Variants in SYN3 observed in about 807,000 individuals in gnomAD.
The protein encoded by SYN3 is synapsin III.
In SYN3, 35 loss-of-function variants were observed where a neutral mutation model predicts 65.8. The ratio of observed to expected loss-of-function variants is 0.53; its 90% CI spans 0.41 to 0.70. The LOEUF (loss-of-function observed/expected upper bound fraction) is 0.70. Among genes scored for constraint, SYN3 ranks in the 30% least tolerant of loss-of-function variants. The probability of loss-of-function intolerance (pLI) is 0.00; values close to 1 mark genes in which losing one functional copy is unlikely to be tolerated. For synonymous variants in SYN3, 270 were observed against 292.9 expected, an observed-to-expected ratio of 0.92 and a Z score of 0.80; for missense variants, 680 against 749.0, an observed-to-expected ratio of 0.91 and a Z score of 1.08.
At chr22:32,606,445 T>C (rs933145936) in intron 6 of SYN3, among the ~76,000 whole-genome samples, 79 of 152,204 alleles carry the variant, frequency 5.2e-4, no homozygotes, top group Admixed American at 1.0e-3. Context: ...GACACTCCTG[T>C]CAGGAGGAGG....
chr22:32,589,182 T>C (rs2059094613), intron 7 of SYN3, among the ~76,000 whole-genome samples: 1 of 152,224 alleles, frequency 6.6e-6, no homozygotes, highest in South Asian at 2.1e-4. Flanking sequence ...GTTTGCTCTC[T>C]TGCTCTTGAA....
At chr22:32,962,801 C>CATCT (rs56349346) in intron 3 of SYN3, among the ~76,000 whole-genome samples, 7,220 of 146,462 alleles carry the variant, frequency 0.049, 188 homozygotes, top group East Asian at 0.092. Context: ...AGAGTATCGG[C>CATCT]ATCTATCTAT....
chr22:32,985,166 T>C (rs1319460600), intron 2 of SYN3, among the ~76,000 whole-genome samples: 1 of 152,120 alleles, frequency 6.6e-6, no homozygotes, highest in Non-Finnish European at 1.5e-5. Flanking sequence ...ACAGGGTTGT[T>C]ATGAGGATTA....
At chr22:32,696,457 A>G (rs1013597633) in intron 6 of SYN3, among the ~76,000 whole-genome samples, 4 of 152,212 alleles carry the variant, frequency 2.6e-5, no homozygotes, top group Non-Finnish European at 5.9e-5. Context: ...AGTTGTATTG[A>G]AGATGGAATT....
intron 6 of SYN3, among the ~76,000 whole-genome samples, chr22:32,717,817 C>A (rs1328963061): frequency 6.6e-6 from 1 of 152,144 alleles, no homozygotes; most frequent in African/African-American, 2.4e-5. Context: ...CCTTCCACTG[C>A]GGATCTGACT....
chr22:32,976,455 C>G (rs2052190686), intron 3 of SYN3, among the ~76,000 whole-genome samples: 1 of 152,226 alleles, frequency 6.6e-6, no homozygotes, highest in South Asian at 2.1e-4. Flanking sequence ...CTAGCAAGTC[C>G]TAGTCCACTG....
At chr22:32,524,224 A>G (rs538546197) in intron 12 of SYN3, among the ~76,000 whole-genome samples, 1 of 152,384 alleles carries the variant, frequency 6.6e-6, no homozygotes, top group African/African-American at 2.4e-5. Context: ...GTGCTAAACA[A>G]CAGATTTTCA....
rs116022872 is a variant in SYN3, at chr22:32,526,521, A to G, written c.1318+1397T>C. ...TATATATATATAATTTATTTATTTT[A>G]TTTTGTTTTTTTGAGATGGAATCTC... On this transcript the variant is annotated intron_variant, in intron 12 of 13. Coordinates refer to ENST00000358763, the MANE Select transcript of SYN3 (RefSeq NM_003490.4). Among the ~76,000 whole-genome samples the G allele has an allele frequency of 4.6e-3, 702 of 151,720 alleles. 10 individuals carry two copies. The highest frequency in any genetic ancestry group is 0.016 in the African/African-American group (681 of 41,404).
chr22:32,746,254 T>C (rs1230370354), intron 6 of SYN3, among the ~76,000 whole-genome samples: 1 of 152,210 alleles, frequency 6.6e-6, no homozygotes, highest in Non-Finnish European at 1.5e-5. Context: ...AATCCCCCTT[T>C]GGGTTGACTT....
At chr22:32,731,671 T>A (rs3827340) in intron 6 of SYN3, among the ~76,000 whole-genome samples, 69,394 of 151,976 alleles carry the variant, frequency 0.46, 16,232 homozygotes, top group African/African-American at 0.57. Context: ...TTTATGTCTA[T>A]AGTAGATGCA....
intron 7 of SYN3, among the ~76,000 whole-genome samples, chr22:32,585,838 G>C (rs16990801): frequency 6.6e-6 from 1 of 151,258 alleles, no homozygotes; most frequent in Non-Finnish European, 1.5e-5. Flanking sequence ...TTACAAGATG[G>C]GCATGTGTGT....
chr22:32,827,988 C>T (rs1016460760), intron 6 of SYN3, among the ~76,000 whole-genome samples: 2 of 152,150 alleles, frequency 1.3e-5, no homozygotes, highest in African/African-American at 4.8e-5. Context: ...CTTGTCTATT[C>T]CCCTTTGCCT....
chr22:32,901,924 C>G (rs2049771333), intron 4 of SYN3, among the ~76,000 whole-genome samples: 1 of 152,344 alleles, frequency 6.6e-6, no homozygotes, highest in East Asian at 1.9e-4. Context: ...GGGAGGACAG[C>G]CCAGCTCCTG....
At chr22:32,707,771 G>A (rs2060900065) in intron 6 of SYN3, among the ~76,000 whole-genome samples, 1 of 152,154 alleles carries the variant, frequency 6.6e-6, no homozygotes, top group Non-Finnish European at 1.5e-5. Context: ...AATGCCTTAA[G>A]CCCTGGTGCC....
intron 4 of SYN3, among the ~76,000 whole-genome samples, chr22:32,902,086 C>T (rs1250552165): frequency 6.6e-6 from 1 of 152,204 alleles, no homozygotes; most frequent in Non-Finnish European, 1.5e-5. Flanking sequence ...AACTCTACAC[C>T]CAATTCCTCA....
intron 6 of SYN3, among the ~76,000 whole-genome samples, chr22:32,746,580 T>C (rs573745868): frequency 6.6e-6 from 1 of 152,274 alleles, no homozygotes; most frequent in African/African-American, 2.4e-5. Flanking sequence ...GTTGGGCTCT[T>C]CTCAGATGTC....
intron 6 of SYN3, among the ~76,000 whole-genome samples, chr22:32,643,190 G>T (rs2059928045): frequency 6.6e-6 from 1 of 152,102 alleles, no homozygotes; most frequent in African/African-American, 2.4e-5. Flanking sequence ...CAATTCTCCT[G>T]CCTCAGCCCC....
At chr22:32,984,314 C>A (rs2052461963) in intron 2 of SYN3, among the ~76,000 whole-genome samples, 2 of 152,218 alleles carry the variant, frequency 1.3e-5, no homozygotes, top group African/African-American at 4.8e-5. Context: ...CTCTACCCAG[C>A]ACGTGGCAGC....
chr22:32,967,541 G>T (rs1200115684), intron 3 of SYN3, among the ~76,000 whole-genome samples: 1 of 152,224 alleles, frequency 6.6e-6, no homozygotes, highest in Non-Finnish European at 1.5e-5. Context: ...AGTGGGCTGG[G>T]AGATTCCTTA....
Sources: allele counts gnomAD v4.1 joint callset (sites outside exome capture counted in the v4.1 genomes callset), GRCh38; gene constraint gnomAD v4.1.1; transcripts MANE v1.5; gene names NCBI Gene and HGNC (gene_info 2026-07-23, HGNC 2026-07-21).